Variants in LRRC4C observed in about 807,000 individuals in gnomAD.
The protein encoded by LRRC4C is leucine rich repeat containing 4C, also known as leucine-rich repeat-containing protein 4C.
In LRRC4C, 5 loss-of-function variants were observed where a neutral mutation model predicts 33.6. The observed-to-expected ratio is 0.15, with a 90% CI of 0.08 to 0.31. LRRC4C has a LOEUF of 0.31. Ranked by LOEUF, LRRC4C falls within the 10% of genes least tolerant of loss-of-function variation. The probability of loss-of-function intolerance (pLI) is 1.00; values close to 1 mark genes in which losing one functional copy is unlikely to be tolerated. For synonymous variants in LRRC4C, 329 were observed against 302.0 expected (o/e 1.09, Z -0.93); for missense variants, 560 against 796.7 (o/e 0.70, Z 3.58).
At chr11:41,130,054 A>G (rs1355436784) in intron 1 of LRRC4C, among the ~76,000 whole-genome samples, 2 of 152,006 alleles carry the variant, frequency 1.3e-5, no homozygotes, top group Non-Finnish European at 2.9e-5. Context: ...AAGAGAGAAT[A>G]GGATGTGTAA....
intron 2 of LRRC4C, among the ~76,000 whole-genome samples, chr11:40,913,097 G>A (rs1485699666): frequency 2.0e-5 from 3 of 152,006 alleles, no homozygotes; most frequent in Non-Finnish European, 2.9e-5. Flanking sequence ...CAATAATAAT[G>A]GGAGACTTTA....
At chr11:40,329,751 T>C (rs943688366) in intron 3 of LRRC4C, among the ~76,000 whole-genome samples, 9 of 149,622 alleles carry the variant, frequency 6.0e-5, no homozygotes, top group South Asian at 4.2e-4. Flanking sequence ...TTTTTTTTTT[T>C]TTTTTTTTGA....
chr11:40,184,255 G>T (rs967944336), intron 5 of LRRC4C, among the ~76,000 whole-genome samples: 5 of 152,118 alleles, frequency 3.3e-5, no homozygotes, highest in African/African-American at 1.2e-4. Context: ...GGATCAAGAG[G>T]GAAGCTGAAG....
intron 2 of LRRC4C, among the ~76,000 whole-genome samples, chr11:40,704,321 A>G (rs946357132): frequency 6.6e-5 from 10 of 152,218 alleles, no homozygotes; most frequent in African/African-American, 2.4e-4. Context: ...TTGTATTTAT[A>G]TTTTTATATT....
chr11:40,260,926 G>A (rs987740456), intron 4 of LRRC4C, among the ~76,000 whole-genome samples: 12 of 152,002 alleles, frequency 7.9e-5, no homozygotes, highest in Admixed American at 1.3e-4. Flanking sequence ...TGTCACCCAG[G>A]CTGGAGTGCA....
chr11:41,143,612 A>G (rs1943607283), intron 1 of LRRC4C, among the ~76,000 whole-genome samples: 2 of 152,158 alleles, frequency 1.3e-5, no homozygotes, highest in South Asian at 2.1e-4. Flanking sequence ...TCCAAAAGGA[A>G]ACTCCAAAAA....
At chr11:40,445,082 G>A (rs182680103) in intron 3 of LRRC4C, among the ~76,000 whole-genome samples, 62 of 152,210 alleles carry the variant, frequency 4.1e-4, no homozygotes, top group African/African-American at 1.4e-3. Flanking sequence ...CCACAGAAAC[G>A]GTATTTGTTG....
At chr11:40,140,355 A>G (rs947279840) in intron 6 of LRRC4C, among the ~76,000 whole-genome samples, 4 of 152,134 alleles carry the variant, frequency 2.6e-5, no homozygotes, top group Admixed American at 1.3e-4. Context: ...TTGCTGGTGG[A>G]TGGTGGTGTA....
intron 3 of LRRC4C, among the ~76,000 whole-genome samples, chr11:40,475,043 G>A (rs183601020): frequency 2.6e-5 from 4 of 152,222 alleles, no homozygotes; most frequent in African/African-American, 9.6e-5. Context: ...AGACAGTATG[G>A]CAATTTCTCA....
intron 3 of LRRC4C, among the ~76,000 whole-genome samples, chr11:40,396,028 C>G (rs1949524981): frequency 6.6e-6 from 1 of 151,998 alleles, no homozygotes; most frequent in Non-Finnish European, 1.5e-5. Context: ...GAGACCTACA[C>G]TCAGATATAT....
intron 1 of LRRC4C, among the ~76,000 whole-genome samples, chr11:41,382,105 C>T (rs1953178586): frequency 6.6e-6 from 1 of 151,782 alleles, no homozygotes; most frequent in Non-Finnish European, 1.5e-5. Flanking sequence ...TTTTTCATAA[C>T]TAATGAAAAA....
intron 1 of LRRC4C, among the ~76,000 whole-genome samples, chr11:40,981,030 G>C (rs2137100238): frequency 6.6e-6 from 1 of 152,268 alleles, no homozygotes; most frequent in East Asian, 1.9e-4. Context: ...GGAAGCAAAG[G>C]CAGAAAGAGA....
chr11:41,217,708 G>A (rs1483445388), intron 1 of LRRC4C, among the ~76,000 whole-genome samples: 1 of 152,142 alleles, frequency 6.6e-6, no homozygotes, highest in African/African-American at 2.4e-5. Flanking sequence ...GGGAGATGGT[G>A]GGGGTGGATG....
At chr11:40,838,453 T>G (rs920134154) in intron 2 of LRRC4C, among the ~76,000 whole-genome samples, 1 of 152,180 alleles carries the variant, frequency 6.6e-6, no homozygotes, top group Non-Finnish European at 1.5e-5. Flanking sequence ...TCCAAGCGGT[T>G]ACCACCTGGA....
At chr11:40,229,387 C>T (rs1865039178) in intron 5 of LRRC4C, among the ~76,000 whole-genome samples, 10 of 152,122 alleles carry the variant, frequency 6.6e-5, no homozygotes, top group Admixed American at 6.6e-4. Flanking sequence ...ATTCTCCTGC[C>T]TCAGCCTCTC....
chr11:40,571,175 C>T (rs963248962), intron 3 of LRRC4C, among the ~76,000 whole-genome samples: 1 of 151,958 alleles, frequency 6.6e-6, no homozygotes, highest in Non-Finnish European at 1.5e-5. Context: ...ACAGCATATA[C>T]AGGATGTGTT....
intron 3 of LRRC4C, among the ~76,000 whole-genome samples, chr11:40,571,183 G>T (rs1230124458): frequency 6.6e-6 from 1 of 152,118 alleles, no homozygotes; most frequent in Non-Finnish European, 1.5e-5. Context: ...TACAGGATGT[G>T]TTCTGATTTT....
chr11:41,244,862 T>C (rs1463796651), intron 1 of LRRC4C, among the ~76,000 whole-genome samples: 1 of 152,062 alleles, frequency 6.6e-6, no homozygotes, highest in African/African-American at 2.4e-5. Context: ...AGTAGACAAA[T>C]ACTCACGACT....
At position 40,662,575 on chromosome 11, in the gene LRRC4C, C is replaced by G. The variant is rs184580384; in HGVS notation, c.-406-14297G>C. Among the ~76,000 whole-genome samples the G allele has an allele frequency of 2.2e-4, 34 of 152,252 alleles. No homozygotes were observed. In the South Asian group the frequency reaches 6.6e-3, roughly 30 times the overall value. ...TTTAGCTCCATGAAGTCCGTGTTCA[C>G]GAAAAGAAACTGGCCAGGGAAATTC... On this transcript the variant is annotated intron_variant, in intron 2 of 6. Coordinates refer to ENST00000528697, the MANE Select transcript of LRRC4C (RefSeq NM_001258419.2).
Sources: gnomAD v4.1 joint callset for allele counts (sites outside exome capture counted in the v4.1 genomes callset) on GRCh38, gnomAD v4.1.1 for gene constraint, MANE v1.5 for transcripts, NCBI Gene and HGNC (gene_info 2026-07-23, HGNC 2026-07-21) for gene names.